USP10: variants seen among roughly 807,000 people sequenced by gnomAD.
The protein encoded by USP10 is ubiquitin carboxyl-terminal hydrolase 10.
A neutral mutation model predicts 84.5 loss-of-function variants in USP10; 22 were observed. The ratio of observed to expected loss-of-function variants is 0.26; its 90% confidence interval spans 0.19 to 0.37. USP10 has a LOEUF of 0.37. Ranked by LOEUF, USP10 falls within the 10% of genes least tolerant of loss-of-function variation. USP10 has a pLI of 1.00. For missense variants in USP10, 1,019 were observed against 998.9 expected (o/e 1.02, Z -0.27); for synonymous variants, 454 against 387.6 (o/e 1.17, Z -2.01).
Position 84,779,319 on chromosome 16 carries a change from A to G in USP10, c.*237A>G, listed in dbSNP as rs1915338464. ...ACTGTTGCTTGATTTTAGAAAATAC[A>G]CAAAAACCCATATTTCTGAAATAAT... On this transcript the variant is annotated 3_prime_UTR_variant, in exon 14 of 14. Coordinates refer to ENST00000219473, the MANE Select transcript of USP10 (RefSeq NM_005153.3). The G allele has an allele frequency of 7.7e-6, 3 of 388,686 alleles. No homozygotes were observed. Among genetic ancestry groups the G allele is most frequent in the Non-Finnish European group, 1.4e-5 (3 of 217,622 alleles). The allele number at this position is 388,686 out of a possible 1,614,324, so 24.1% of individuals were successfully genotyped here.
rs779296840 is a variant in USP10, at chr16:84,745,291, T to C, written c.810T>C (p.Ala270=). Residue 270 remains alanine (A), a synonymous_variant, in exon 4 of 14, where the codon GCT becomes GCC. Transcript: ENST00000219473. The part of the protein sequence containing the change: ...GRDTLSRTAG[A]QPCVGTDTTE... The stretch of plus-strand genomic sequence containing the variant: ...ACACCCTGTCAAGGACAGCTGGGGC[T>C]CAGCCCTGCGTTGGTACCGATACTA... The C allele has an allele frequency of 1.2e-5, 20 of 1,613,172 alleles. No individual in the cohort carries two copies.
At chr16:84,763,172 C>A (rs1004943864) in intron 9 of USP10, 84 bp downstream of exon 9, 2 of 742,734 alleles carry the variant, frequency 2.7e-6, no homozygotes, top group South Asian at 4.2e-5. Flanking sequence ...TGTTGCTTCC[C>A]TGCCCCTCAG....
intron 1 of USP10, among the ~76,000 whole-genome samples, chr16:84,717,293 C>G (rs983235873): frequency 1.3e-5 from 2 of 152,060 alleles, no homozygotes; most frequent in African/African-American, 4.8e-5. Flanking sequence ...CTCGGGAGGT[C>G]TGCTGCCACC....
chr16:84,752,478 T>A (rs533864275), intron 4 of USP10, among the ~76,000 whole-genome samples: 1 of 152,374 alleles, frequency 6.6e-6, no homozygotes, highest in African/African-American at 2.4e-5. Context: ...TCCTCATTTT[T>A]ATTCTTTTAG....
intron 9 of USP10, among the ~76,000 whole-genome samples, chr16:84,763,496 C>G (rs774648210): frequency 1.3e-5 from 2 of 152,246 alleles, no homozygotes; most frequent in Non-Finnish European, 2.9e-5. Context: ...TAAGTTGCAG[C>G]TAACAGTTTA....
chr16:84,750,409 A>C (rs1911785303), intron 4 of USP10, among the ~76,000 whole-genome samples: 1 of 151,748 alleles, frequency 6.6e-6, no homozygotes, highest in South Asian at 2.1e-4. Context: ...TGTCTCAAAA[A>C]AAAAAAAAAA....
Position 84,745,148 on chromosome 16 carries a change from G to T in USP10, c.667G>T (p.Val223Leu), listed in dbSNP as rs753660452. 6.2e-7 allele frequency: 1 copy of T among 1,613,348 alleles called. No individual in the cohort carries two copies. The highest frequency in any genetic ancestry group is 1.7e-5 in the Admixed American group (1 of 59,972). ...CTCCACAGACTCTGTCAGTGACATT[G>T]TGCCTGACAGTCCTTTCCCCGGAGC... ...QNSTDSVSDI[V>L]PDSPFPGALG... The change falls in exon 4 of 14, where the codon GTG becomes TTG. Residue 223 changes from valine to leucine, a missense_variant. By Grantham distance (32) the Val-to-Leu change is conservative. Around this residue, in one of 2 missense-constraint regions of USP10, gnomAD observed 787 missense variants for 708.8 expected, o/e 1.11. Coordinates refer to ENST00000219473, the MANE Select transcript of USP10 (RefSeq NM_005153.3).
intron 2 of USP10, among the ~76,000 whole-genome samples, chr16:84,734,207 A>G (rs1325700838): frequency 6.6e-6 from 1 of 152,038 alleles, no homozygotes. Context: ...TTTGCTATCT[A>G]GGATTTTAAC....
chr16:84,704,763 C>A (rs2150751959), intron 1 of USP10: 1 of 1,535,066 alleles, frequency 6.5e-7, no homozygotes, highest in African/African-American at 1.4e-5. Context: ...ATCCCATTTT[C>A]ATCAGATGAC....
chr16:84,717,570 C>T (rs1053874616), intron 1 of USP10, among the ~76,000 whole-genome samples: 2 of 152,148 alleles, frequency 1.3e-5, no homozygotes, highest in African/African-American at 4.8e-5. Flanking sequence ...GTGAGCCATT[C>T]TGTCAGCATT....
chr16:84,740,518 G>T, intron 3 of USP10, 149 bp downstream of exon 3: 1 of 603,994 alleles, frequency 1.7e-6, no homozygotes, highest in Non-Finnish European at 2.9e-6. Flanking sequence ...TTTAATTGCT[G>T]AATCACTTTG....
chr16:84,763,458 C>T (rs1471321604), intron 9 of USP10, among the ~76,000 whole-genome samples: 2 of 152,192 alleles, frequency 1.3e-5, no homozygotes, highest in East Asian at 3.8e-4. Context: ...CATACATACG[C>T]ATACATTTTC....
rs145710915 is a variant in USP10 at position 84,721,761 on chromosome 16, G to C, written c.22-11674G>C. Among the ~76,000 whole-genome samples the C allele has an allele frequency of 3.5e-4, 53 of 152,304 alleles. No individual in the cohort carries two copies. In the East Asian group the frequency reaches 9.8e-3, roughly 28 times the overall value. ...TTGCCAGGCTGGAGTGCAGTGGCGC[G>C]ATCACAGCTCACTGCAACCTCCGCC... On this transcript the variant is annotated intron_variant, in intron 1 of 13. Transcript: ENST00000219473.
chr16:84,705,510 C>T (rs1905368204), intron 1 of USP10, among the ~76,000 whole-genome samples: 2 of 151,432 alleles, frequency 1.3e-5, no homozygotes, highest in Admixed American at 6.6e-5. Context: ...GGATTATAGG[C>T]GTGAGCCACC....
At chr16:84,729,361 C>T (rs372014304) in intron 1 of USP10, among the ~76,000 whole-genome samples, 1 of 152,166 alleles carries the variant, frequency 6.6e-6, no homozygotes, top group Non-Finnish European at 1.5e-5. Flanking sequence ...ATTCCCCTAG[C>T]TTGTGATATC....
intron 1 of USP10, among the ~76,000 whole-genome samples, chr16:84,710,334 C>T (rs1355616831): frequency 2.6e-5 from 4 of 151,426 alleles, no homozygotes; most frequent in Admixed American, 2.0e-4. Flanking sequence ...TTAGATGCTT[C>T]GAAAGTTGTC....
At chr16:84,754,779 T>C (rs1363003013) in intron 4 of USP10, among the ~76,000 whole-genome samples, 1 of 152,176 alleles carries the variant, frequency 6.6e-6, no homozygotes, top group African/African-American at 2.4e-5. Flanking sequence ...TATCCTTTGA[T>C]TGCATAGAGA....
At chr16:84,760,377 C>A in intron 8 of USP10, 102 bp downstream of exon 8, 3 of 1,013,352 alleles carry the variant, frequency 3.0e-6, no homozygotes, top group East Asian at 2.6e-5. Flanking sequence ...GTCTCCAGCG[C>A]TATAAGTAGA....
chr16:84,763,086 A>C lies in USP10; in HGVS notation c.1652A>C (p.Glu551Ala). 1 of 1,607,156 alleles carries C rather than the reference A, an allele frequency of 6.2e-7. No homozygotes were observed. The highest frequency in any genetic ancestry group is 2.2e-5 in the East Asian group (1 of 44,802). The change falls in exon 9 of 14, where the codon GAA (glutamate) becomes GCA (alanine). Residue 551 changes from glutamate (E) to alanine (A), a missense_variant and splice_region_variant. By Grantham distance (107) the Glu-to-Ala change is moderately radical. Coordinates refer to ENST00000219473, the MANE Select transcript of USP10 (RefSeq NM_005153.3). Reference sequence around the variant, plus strand: ...AAGAAGCTTCTCTCACCAAGTAATGAAAGTAGGTTATGGTCCACTTGCCGC... The same window carrying C: ...AAGAAGCTTCTCTCACCAAGTAATGCAAGTAGGTTATGGTCCACTTGCCGC... The part of the protein sequence containing the change: ...NLKKLLSPSN[E>A]KLTISNGPKN...
Sources: gnomAD v4.1 joint callset for allele counts (sites outside exome capture counted in the v4.1 genomes callset) on GRCh38, gnomAD v4.1.1 for gene constraint, gnomAD v4.1.1 regional missense constraint, MANE v1.5 for transcripts, NCBI Gene and HGNC (gene_info 2026-07-23, HGNC 2026-07-21) for gene names.